UNC79: variants seen among roughly 807,000 people sequenced by gnomAD.
UNC79 encodes protein unc-79 homolog.
Under a neutral mutation model 283.1 loss-of-function variants are expected in UNC79, and 37 were observed. The ratio of observed to expected loss-of-function variants is 0.13; its 90% CI spans 0.10 to 0.17. The LOEUF (loss-of-function observed/expected upper bound fraction) is 0.17. Ranked by LOEUF, UNC79 falls within the 10% of genes least tolerant of loss-of-function variation. UNC79 has a pLI of 1.00. For synonymous variants in UNC79, 1,107 were observed against 1,200.2 expected (o/e 0.92, Z 1.61); for missense variants, 2,272 against 3,211.1 (o/e 0.71, Z 7.07).
chr14:93,385,308 ATC>A (rs920045070), intron 1 of UNC79, among the ~76,000 whole-genome samples: 5 of 152,086 alleles, frequency 3.3e-5, no homozygotes, highest in Admixed American at 3.3e-4. Flanking sequence ...TAAACATGAA[ATC>A]TCTTTCTATT....
chr14:93,609,378 C>G (rs2066132497), intron 26 of UNC79, among the ~76,000 whole-genome samples: 1 of 152,128 alleles, frequency 6.6e-6, no homozygotes, highest in Admixed American at 6.5e-5. Flanking sequence ...GATCCTGATC[C>G]TGCCTGGTTT....
At chr14:93,497,752 C>A (rs2059080737) in intron 7 of UNC79, among the ~76,000 whole-genome samples, 1 of 152,160 alleles carries the variant, frequency 6.6e-6, no homozygotes, top group African/African-American at 2.4e-5. Context: ...CTTTGGGAGG[C>A]CAAGGCGGGC....
At chr14:93,662,051 C>G (rs1424029667) in intron 39 of UNC79, among the ~76,000 whole-genome samples, 1 of 152,144 alleles carries the variant, frequency 6.6e-6, no homozygotes. Flanking sequence ...GCATATGGAA[C>G]TAAAACTGAT....
exon 42 of UNC79, chr14:93,682,624 G>A (rs2073937450): frequency 6.2e-7 from 1 of 1,613,764 alleles, no homozygotes; most frequent in East Asian, 2.2e-5. Context: ...TAGTTTATTT[G>A]TGCAGATGCT....
intron 36 of UNC79, 32 bp downstream of exon 39, chr14:93,653,886 A>G (rs1405066211): frequency 2.5e-6 from 4 of 1,613,894 alleles, no homozygotes; most frequent in Non-Finnish European, 8.5e-7. Flanking sequence ...CAGGCACCAC[A>G]AATTTGCCTC....
rs2057704722 is a variant in UNC79, at chr14:93,474,773, A to G, written c.448+380A>G. Among the ~76,000 whole-genome samples, 1 of 152,224 alleles carries G rather than the reference A, an allele frequency of 6.6e-6. No homozygotes were observed. Among genetic ancestry groups the G allele is most frequent in the South Asian group, 2.1e-4 (1 of 4,832 alleles). On this transcript the variant is annotated intron_variant, in intron 3 of 48. Coordinates refer to ENST00000555664, the Ensembl canonical transcript of UNC79. The surrounding 1 kb of genome is among the most constrained non-coding windows in gnomAD (Gnocchi z 4.1). ...AGAAGTAGAGCATGAAGAGCAGGCT[A>G]TAATCCACTGACTGATTCGGTAATT...
exon 46 of UNC79, chr14:93,691,852 A>G: frequency 6.2e-7 from 1 of 1,614,234 alleles, no homozygotes; most frequent in Non-Finnish European, 8.5e-7. Context: ...CTCCAAAATC[A>G]GAATGAATTC....
chr14:93,367,872 T>C (rs2054366466), intron 1 of UNC79, among the ~76,000 whole-genome samples: 1 of 152,166 alleles, frequency 6.6e-6, no homozygotes, highest in Non-Finnish European at 1.5e-5. Flanking sequence ...TGGATGGAAA[T>C]AGTTGGAATA....
chr14:93,539,292 G>A (rs2061255670), intron 12 of UNC79, among the ~76,000 whole-genome samples: 1 of 150,400 alleles, frequency 6.6e-6, no homozygotes, highest in African/African-American at 2.4e-5. Context: ...AGAGACCGAG[G>A]CGGGTGGATC....
chr14:93,592,069 A>C (rs2064723253), intron 22 of UNC79, among the ~76,000 whole-genome samples: 1 of 152,120 alleles, frequency 6.6e-6, no homozygotes, highest in Non-Finnish European at 1.5e-5. Context: ...AAGCTTTCAT[A>C]AATTTTAACT....
At chr14:93,408,377 A>G (rs1475312944) in intron 1 of UNC79, among the ~76,000 whole-genome samples, 3 of 152,224 alleles carry the variant, frequency 2.0e-5, no homozygotes, top group Non-Finnish European at 4.4e-5. Context: ...AGCCTAAAGT[A>G]AACTATGGAC....
At chr14:93,610,847 G>C (rs1018588907) in intron 26 of UNC79, among the ~76,000 whole-genome samples, 19 of 152,286 alleles carry the variant, frequency 1.2e-4, no homozygotes, top group African/African-American at 4.6e-4. Flanking sequence ...CTGGGCTCAA[G>C]TGATTCTCCC....
At position 93,622,473 on chromosome 14, in the gene UNC79, G is replaced by A. The variant is rs778581168; in HGVS notation, c.5240G>A (p.Arg1747Gln). ...AGCCCACTGACGCTGAAGCAAAAACGAGACCTCCTTCAGAAGTCGTTTGCT... is the reference window on the plus strand; with the variant it reads ...AGCCCACTGACGCTGAAGCAAAAACAAGACCTCCTTCAGAAGTCGTTTGCT... The change falls in exon 30 of 49, where the codon CGA (arginine) becomes CAA (glutamine). Residue 1747 changes from arginine to glutamine, a missense_variant. Physicochemically the swap from Arg to Gln is conservative, Grantham distance 43. Transcript: ENST00000555664. 22 of 1,613,974 alleles carry A rather than the reference G, an allele frequency of 1.4e-5. No homozygotes were observed. Among genetic ancestry groups the A allele is most frequent in the Admixed American group, 3.3e-5 (2 of 59,994 alleles).
At chr14:93,628,321 T>C (rs1027277510) in intron 30 of UNC79, among the ~76,000 whole-genome samples, 4 of 152,204 alleles carry the variant, frequency 2.6e-5, no homozygotes, top group Non-Finnish European at 5.9e-5. Context: ...TTCTTTACCT[T>C]TGGGCCTTTC....
At chr14:93,578,084 C>A in intron 18 of UNC79, 21 bp downstream of exon 18, 1 of 1,608,178 alleles carries the variant, frequency 6.2e-7, no homozygotes, top group Middle Eastern at 1.7e-4. Context: ...CATGAGCTTC[C>A]TTTAGTTCAG....
intron 14 of UNC79, among the ~76,000 whole-genome samples, chr14:93,553,812 A>G (rs145101655): frequency 1.3e-5 from 2 of 152,334 alleles, no homozygotes; most frequent in Non-Finnish European, 2.9e-5. Flanking sequence ...AATAAGCTGC[A>G]TATGTCTCTT....
At chr14:93,544,435 G>A (rs2402306) in intron 14 of UNC79, among the ~76,000 whole-genome samples, 11 of 152,020 alleles carry the variant, frequency 7.2e-5, no homozygotes, top group Non-Finnish European at 1.5e-4. Flanking sequence ...CTCCCTTTCG[G>A]GGGGGTTAAC....
chr14:93,538,804 CA>C (rs534706329), intron 12 of UNC79, among the ~76,000 whole-genome samples: 1,760 of 111,346 alleles, frequency 0.016, 10 homozygotes, highest in South Asian at 0.066. Flanking sequence ...ATCACATGAC[CA>C]AAAAAAAAAA....
chr14:93,644,070 G>A (rs1176131027), intron 34 of UNC79, among the ~76,000 whole-genome samples: 1 of 152,158 alleles, frequency 6.6e-6, no homozygotes, highest in Non-Finnish European at 1.5e-5. Context: ...TTTTGAGATG[G>A]ATTTTCTAGG....
Sources: gnomAD v4.1 joint callset for allele counts (sites outside exome capture counted in the v4.1 genomes callset) on GRCh38, gnomAD v4.1.1 for gene constraint, Gnocchi (gnomAD v3.1) non-coding constraint, MANE v1.5 for transcripts, NCBI Gene and HGNC (gene_info 2026-07-23, HGNC 2026-07-21) for gene names.